CFAP221: variants seen among roughly 807,000 people sequenced by gnomAD.
CFAP221 encodes cilia- and flagella-associated protein 221.
CFAP221 carries 97 observed loss-of-function variants against 113.1 expected under a neutral mutation model. The ratio of observed to expected loss-of-function variants is 0.86; its 90% CI spans 0.73 to 1.02. CFAP221 has a LOEUF of 1.02. Among genes scored for constraint, CFAP221 ranks in the 50% least tolerant of loss-of-function variants. The probability of loss-of-function intolerance (pLI) is 0.00; values close to 1 mark genes in which losing one functional copy is unlikely to be tolerated. For synonymous variants in CFAP221, 331 were observed against 354.4 expected, an observed-to-expected ratio of 0.93 and a Z score of 0.74; for missense variants, 1,025 against 1,013.4, an observed-to-expected ratio of 1.01 and a Z score of -0.16.
chr2:119,546,230 G>A lies in CFAP221; in HGVS notation c.99G>A (p.Pro33=), dbSNP rs1444779758. 3.3e-6 allele frequency: 5 copies of A among 1,534,672 alleles called. No homozygotes were observed. Among genetic ancestry groups the A allele is most frequent in the South Asian group, 2.4e-5 (2 of 83,900 alleles). Residue 33 remains proline, a synonymous_variant, in exon 2 of 24, where the codon CCG becomes CCA. Coordinates refer to ENST00000413369, the MANE Select transcript of CFAP221 (RefSeq NM_001271049.2). ...TCTTGAAGAACCTAGTGGAGGAGCCGAAAAAAAGAAAAGAAGTACCTAATC... is the reference window on the plus strand; with the variant it reads ...TCTTGAAGAACCTAGTGGAGGAGCCAAAAAAAAGAAAAGAAGTACCTAATC... ...PHLLKNLVEE[P]KKRKEVPNHL... is the part of the protein sequence containing the mutation.
At chr2:119,608,982 A>T (rs1684964945) in intron 12 of CFAP221, among the ~76,000 whole-genome samples, 2 of 152,238 alleles carry the variant, frequency 1.3e-5, no homozygotes, top group South Asian at 4.1e-4. Flanking sequence ...CAAAGTTGGT[A>T]ACCAGGACCC....
At chr2:119,594,798 C>A (rs1683847899) in intron 7 of CFAP221, among the ~76,000 whole-genome samples, 1 of 152,198 alleles carries the variant, frequency 6.6e-6, no homozygotes, top group African/African-American at 2.4e-5. Flanking sequence ...AATACCCCAG[C>A]AACTCTTATG....
chr2:119,615,987 A>G (rs1023553022), intron 14 of CFAP221, among the ~76,000 whole-genome samples: 2 of 152,168 alleles, frequency 1.3e-5, no homozygotes, highest in Admixed American at 1.3e-4. Flanking sequence ...GGCAACCAAT[A>G]ATCTACTCTC....
intron 3 of CFAP221, among the ~76,000 whole-genome samples, chr2:119,554,248 G>C (rs1680626064): frequency 1.3e-5 from 2 of 152,144 alleles, no homozygotes; most frequent in South Asian, 2.1e-4. Context: ...CAAATAAATT[G>C]TTCATTAACA....
intron 7 of CFAP221, among the ~76,000 whole-genome samples, chr2:119,591,300 T>C (rs1345258198): frequency 2.6e-5 from 4 of 151,720 alleles, no homozygotes; most frequent in African/African-American, 9.7e-5. Flanking sequence ...TGCAAATGAG[T>C]TCCCTAGCTT....
intron 6 of CFAP221, chr2:119,572,587 A>G: frequency 1.4e-6 from 1 of 701,036 alleles, no homozygotes; most frequent in Non-Finnish European, 2.6e-6. Flanking sequence ...TGAAACTTGG[A>G]GCAGGTCCAG....
Position 119,636,745 on chromosome 2 carries a change from C to T in CFAP221, c.1975-1514C>T, listed in dbSNP as rs545793722. 3.9e-5 allele frequency among the ~76,000 whole-genome samples: 6 copies of T among 152,228 alleles called. No homozygotes were observed. The South Asian group carries it at 6.2e-4, about 16-fold the overall frequency. On this transcript the variant is annotated intron_variant, in intron 19 of 23. Transcript: ENST00000413369. ...GCTTTTCCTCACAAATCCTTGCAGC[C>T]GAGGTGAGTCGCTACCACATGCATG...
intron 6 of CFAP221, among the ~76,000 whole-genome samples, chr2:119,584,411 A>C (rs928232132): frequency 1.3e-5 from 2 of 152,062 alleles, no homozygotes; most frequent in Non-Finnish European, 2.9e-5. Flanking sequence ...ACATAGTGGG[A>C]ACTCATCTCT....
chr2:119,652,251 CTTG>C (rs1232359883), intron 23 of CFAP221, among the ~76,000 whole-genome samples, 182 bp downstream of exon 23: 1 of 152,210 alleles, frequency 6.6e-6, no homozygotes, highest in Non-Finnish European at 1.5e-5. Flanking sequence ...TCCCTGAAAT[CTTG>C]TTATCAAGTA....
intron 23 of CFAP221, among the ~76,000 whole-genome samples, chr2:119,653,605 A>C (rs765536035): frequency 6.6e-5 from 10 of 152,222 alleles, no homozygotes; most frequent in African/African-American, 1.7e-4. Context: ...TCCGTTATCA[A>C]TAGTTCTGCA....
intron 19 of CFAP221, among the ~76,000 whole-genome samples, chr2:119,633,639 A>C (rs1216961240): frequency 2.0e-5 from 3 of 151,688 alleles, no homozygotes; most frequent in African/African-American, 7.2e-5. Context: ...AAAAAAAAAA[A>C]CCTAATAACT....
At chr2:119,608,464 G>A in intron 11 of CFAP221, 38 bp from the exon 12 acceptor site, 1 of 1,449,650 alleles carries the variant, frequency 6.9e-7, no homozygotes. Flanking sequence ...CTGGTATTCT[G>A]ATGGGTTCTG....
intron 2 of CFAP221, among the ~76,000 whole-genome samples, chr2:119,547,948 G>C (rs978576659): frequency 1.3e-5 from 2 of 152,032 alleles, no homozygotes; most frequent in Admixed American, 1.3e-4. Flanking sequence ...ACAGACCTGG[G>C]GTTGATTTTT....
chr2:119,571,282 G>A (rs1028995739), intron 6 of CFAP221, among the ~76,000 whole-genome samples: 1 of 151,352 alleles, frequency 6.6e-6, no homozygotes, highest in Non-Finnish European at 1.5e-5. Flanking sequence ...TGGGACTACA[G>A]GTGTGCGACA....
At chr2:119,582,715 C>T (rs1453788662) in intron 6 of CFAP221, among the ~76,000 whole-genome samples, 2 of 152,136 alleles carry the variant, frequency 1.3e-5, no homozygotes, top group Admixed American at 6.5e-5. Context: ...CTCGGCCTCC[C>T]AAAGTGCTTG....
chr2:119,638,230 A>G (rs376880362), intron 19 of CFAP221, 29 bp from the exon 20 acceptor site: 4 of 1,612,454 alleles, frequency 2.5e-6, no homozygotes, highest in East Asian at 2.2e-5. Flanking sequence ...GGTAAACAGA[A>G]AAGAATATTT....
At chr2:119,605,835 T>C (rs985930618) in intron 11 of CFAP221, among the ~76,000 whole-genome samples, 2 of 152,308 alleles carry the variant, frequency 1.3e-5, no homozygotes, top group Admixed American at 1.3e-4. Flanking sequence ...GTAAACTCTT[T>C]TTTTTGAGAA....
At chr2:119,598,010 G>A (rs1684110256) in intron 7 of CFAP221, among the ~76,000 whole-genome samples, 1 of 152,142 alleles carries the variant, frequency 6.6e-6, no homozygotes, top group Non-Finnish European at 1.5e-5. Context: ...AGCGTGAATC[G>A]GCCTTAGGTT....
intron 20 of CFAP221, 127 bp from the exon 21 acceptor site, chr2:119,639,654 A>G: frequency 2.8e-6 from 2 of 712,000 alleles, no homozygotes; most frequent in East Asian, 2.7e-5. Flanking sequence ...AAAAATTCAA[A>G]CTGAATGAAA....
Sources: allele counts gnomAD v4.1 joint callset (sites outside exome capture counted in the v4.1 genomes callset), GRCh38; gene constraint gnomAD v4.1.1; transcripts MANE v1.5; gene names NCBI Gene and HGNC (gene_info 2026-07-23, HGNC 2026-07-21).